Variants in DNAI7 observed in about 807,000 individuals in gnomAD.
DNAI7 encodes dynein axonemal intermediate chain 7, also known as cancer susceptibility 1.
DNAI7 carries 78 observed loss-of-function variants against 86.6 expected under a neutral mutation model. That is an observed-to-expected ratio of 0.90 (90% CI 0.75 to 1.09). The LOEUF (loss-of-function observed/expected upper bound fraction) is 1.09. Ranked by LOEUF, DNAI7 falls within the 50% of genes least tolerant of loss-of-function variation. The probability of loss-of-function intolerance (pLI) is 0.00; values close to 1 mark genes in which losing one functional copy is unlikely to be tolerated. For missense variants in DNAI7, 753 were observed against 810.2 expected (o/e 0.93, Z 0.86); for synonymous variants, 274 against 273.0 (o/e 1.00, Z -0.04).
At chr12:25,138,135 C>T (rs1041489979) in intron 9 of DNAI7, among the ~76,000 whole-genome samples, 5 of 152,076 alleles carry the variant, frequency 3.3e-5, no homozygotes, top group African/African-American at 1.2e-4. Flanking sequence ...CCAAGATATA[C>T]CATATGAGAG....
intron 6 of DNAI7, among the ~76,000 whole-genome samples, chr12:25,152,894 T>C (rs1945724463): frequency 6.6e-6 from 1 of 152,242 alleles, no homozygotes; most frequent in South Asian, 2.1e-4. Flanking sequence ...TTTTTCGTTT[T>C]ACTTAGAATT....
chr12:25,192,505 T>C (rs1474190997), intron 1 of DNAI7, among the ~76,000 whole-genome samples: 1 of 152,174 alleles, frequency 6.6e-6, no homozygotes, highest in Non-Finnish European at 1.5e-5. Context: ...GTTTAGTAGA[T>C]GTTATGGGCT....
intron 13 of DNAI7, among the ~76,000 whole-genome samples, chr12:25,112,597 A>G (rs573647093): frequency 6.3e-4 from 96 of 151,742 alleles, no homozygotes; most frequent in East Asian, 1.2e-3. Flanking sequence ...TAGTAGAGAC[A>G]GGGTTTCACC....
intron 2 of DNAI7, among the ~76,000 whole-genome samples, chr12:25,170,363 C>G (rs1057002548): frequency 6.6e-6 from 1 of 150,758 alleles, no homozygotes; most frequent in Non-Finnish European, 1.5e-5. Flanking sequence ...TGCACTCCAG[C>G]TTGGGCAACA....
intron 12 of DNAI7, among the ~76,000 whole-genome samples, chr12:25,116,936 C>G (rs1209538973): frequency 1.3e-5 from 2 of 151,980 alleles, no homozygotes; most frequent in East Asian, 3.8e-4. Context: ...GGTTTTTTAA[C>G]TTATTTTTTA....
chr12:25,150,964 C>G (rs1374477123), intron 6 of DNAI7, among the ~76,000 whole-genome samples: 1 of 152,188 alleles, frequency 6.6e-6, no homozygotes, highest in African/African-American at 2.4e-5. Context: ...TTCATTATAA[C>G]TCTATGAGGT....
At chr12:25,158,823 A>G in intron 3 of DNAI7, 1 of 462,972 alleles carries the variant, frequency 2.2e-6, no homozygotes, top group Non-Finnish European at 3.6e-6. Flanking sequence ...TTATGCAGCC[A>G]ACAGACACAT....
At chr12:25,162,152 G>A (rs1946901672) in intron 2 of DNAI7, among the ~76,000 whole-genome samples, 1 of 150,536 alleles carries the variant, frequency 6.6e-6, no homozygotes, top group African/African-American at 2.4e-5. Flanking sequence ...GGAGCTGAAT[G>A]GGCACTGGAT....
chr12:25,167,496 C>T (rs1044097315), intron 2 of DNAI7, among the ~76,000 whole-genome samples: 23 of 152,128 alleles, frequency 1.5e-4, no homozygotes, highest in African/African-American at 5.6e-4. Flanking sequence ...CCACCCTCTA[C>T]CTCTCCCCAG....
intron 6 of DNAI7, among the ~76,000 whole-genome samples, chr12:25,154,038 C>T (rs1163451174): frequency 2.6e-5 from 4 of 152,006 alleles, no homozygotes; most frequent in African/African-American, 9.7e-5. Context: ...TACCCCCACC[C>T]GAGTTATCTA....
At chr12:25,170,419 GA>G (rs1487366365) in intron 2 of DNAI7, among the ~76,000 whole-genome samples, 1 of 149,628 alleles carries the variant, frequency 6.7e-6, no homozygotes, top group African/African-American at 2.4e-5. Context: ...CGTCCAACAG[GA>G]AAATATCACA....
At chr12:25,152,043 GT>G (rs1399613824) in intron 6 of DNAI7, among the ~76,000 whole-genome samples, 16 of 152,168 alleles carry the variant, frequency 1.1e-4, no homozygotes, top group African/African-American at 3.9e-4. Context: ...TATCATATAA[GT>G]GTGTTTAAGT....
At chr12:25,146,553 T>C (rs1944852821) in intron 8 of DNAI7, among the ~76,000 whole-genome samples, 1 of 144,520 alleles carries the variant, frequency 6.9e-6, no homozygotes, top group Non-Finnish European at 1.5e-5. Context: ...TGAGCCGAGA[T>C]CACACCACTG....
intron 8 of DNAI7, among the ~76,000 whole-genome samples, chr12:25,146,775 A>T (rs1348540823): frequency 6.6e-6 from 1 of 152,200 alleles, no homozygotes; most frequent in Non-Finnish European, 1.5e-5. Context: ...ATCCAATCCT[A>T]TTAAGTGACA....
chr12:25,180,552 T>C (rs1338470901), intron 2 of DNAI7, among the ~76,000 whole-genome samples: 1 of 152,136 alleles, frequency 6.6e-6, no homozygotes, highest in East Asian at 1.9e-4. Flanking sequence ...CTACAGGCTG[T>C]AGCAACCAAA....
chr12:25,129,046 A>G (rs1275054597), intron 9 of DNAI7, among the ~76,000 whole-genome samples: 1 of 152,158 alleles, frequency 6.6e-6, no homozygotes, highest in African/African-American at 2.4e-5. Flanking sequence ...CTTGCCCATC[A>G]TACATCAGTC....
intron 1 of DNAI7, among the ~76,000 whole-genome samples, chr12:25,193,983 G>C (rs1482501821): frequency 6.6e-6 from 1 of 151,994 alleles, no homozygotes; most frequent in African/African-American, 2.4e-5. Flanking sequence ...CAACACGCCC[G>C]GCTAATTTTT....
At chr12:25,109,479 T>C (rs1325383606) in intron 15 of DNAI7, among the ~76,000 whole-genome samples, 13 of 152,118 alleles carry the variant, frequency 8.5e-5, no homozygotes, top group Admixed American at 7.9e-4. Context: ...CTCAAATTCC[T>C]GGGCTCAAGC....
intron 1 of DNAI7, among the ~76,000 whole-genome samples, chr12:25,193,545 T>C (rs1055300600): frequency 6.6e-6 from 1 of 152,222 alleles, no homozygotes. Flanking sequence ...AATTCCTTAC[T>C]TGGCAGACTT....
Sources: gnomAD v4.1 joint callset for allele counts (sites outside exome capture counted in the v4.1 genomes callset) on GRCh38, gnomAD v4.1.1 for gene constraint, MANE v1.5 for transcripts, NCBI Gene and HGNC (gene_info 2026-07-23, HGNC 2026-07-21) for gene names.